Variants in WASHC5 observed in about 807,000 individuals in gnomAD.
The protein encoded by WASHC5 is WASH complex subunit strumpellin.
Under a neutral mutation model 150.4 loss-of-function variants are expected in WASHC5, and 101 were observed. The observed-to-expected ratio is 0.67, with a 90% CI of 0.57 to 0.79. The LOEUF (loss-of-function observed/expected upper bound fraction) is 0.79. Among genes scored for constraint, WASHC5 ranks in the 30% least tolerant of loss-of-function variants. The pLI is 0.00. For synonymous variants in WASHC5, 467 were observed against 491.2 expected, an observed-to-expected ratio of 0.95 and a Z score of 0.65; for missense variants, 1,195 against 1,396.3, an observed-to-expected ratio of 0.86 and a Z score of 2.30.
At chr8:125,038,604 C>G in intron 25 of WASHC5, among the ~76,000 whole-genome samples, 1 of 152,206 alleles carries the variant, frequency 6.6e-6, no homozygotes, top group East Asian at 1.9e-4. Context: ...GCAGCACCTT[C>G]CCCTTTGTCA....
chr8:125,068,638 G>A (rs1021147928), intron 9 of WASHC5, among the ~76,000 whole-genome samples: 4 of 152,118 alleles, frequency 2.6e-5, no homozygotes, highest in African/African-American at 9.7e-5. Flanking sequence ...GGGAATGCCC[G>A]ACACAACAAG....
chr8:125,047,973 G>A (rs528445701), intron 19 of WASHC5, among the ~76,000 whole-genome samples: 18 of 152,288 alleles, frequency 1.2e-4, no homozygotes, highest in Non-Finnish European at 1.8e-4. Context: ...GAGCCTCCAA[G>A]TAGCTGGGAC....
At position 125,061,206 on chromosome 8, in the gene WASHC5, G is replaced by A. The variant is rs759121300; in HGVS notation, c.1409-12C>T. 5.1e-6 allele frequency: 7 copies of A among 1,371,746 alleles called. No individual in the cohort carries two copies. The African/African-American group carries it at 1.0e-4, about 20-fold the overall frequency. The allele number at this position is 1,371,746 out of a possible 1,614,324, so 85.0% of individuals were successfully genotyped here. On this transcript the variant is annotated splice_polypyrimidine_tract_variant and intron_variant, in intron 11 of 28. Transcript: ENST00000318410. ...AGCTTGAAGGTTTTCTAGTAATACAGAAATAAGAAAATACTGAAATCCTCG... is the reference window on the plus strand; with the variant it reads ...AGCTTGAAGGTTTTCTAGTAATACAAAAATAAGAAAATACTGAAATCCTCG...
intron 10 of WASHC5, among the ~76,000 whole-genome samples, chr8:125,065,934 G>A (rs1014253713): frequency 2.0e-5 from 3 of 152,010 alleles, no homozygotes; most frequent in Admixed American, 6.6e-5. Flanking sequence ...TCTTCCTTGC[G>A]GGCATTTTTT....
intron 20 of WASHC5, among the ~76,000 whole-genome samples, chr8:125,045,581 C>G (rs1223847501): frequency 6.6e-6 from 1 of 152,170 alleles, no homozygotes; most frequent in Non-Finnish European, 1.5e-5. Context: ...TCAGCAAGCT[C>G]CACAGATGAC....
chr8:125,059,133 G>A, intron 14 of WASHC5, 89 bp downstream of exon 14: 1 of 958,454 alleles, frequency 1.0e-6, no homozygotes, highest in Non-Finnish European at 1.7e-6. Context: ...TTCCTAAAAG[G>A]ATAAAATCCT....
chr8:125,052,719 G>A lies in WASHC5; in HGVS notation c.2098-2054C>T, dbSNP rs138771610. On this transcript the variant is annotated intron_variant, in intron 17 of 28. Transcript: ENST00000318410. ...TCCAGTACTAAATTCTTTTTGAATC[G>A]CTCTAGACCAATCCACAGTACGAAT... is the stretch of plus-strand genomic sequence containing the variant. Among the ~76,000 whole-genome samples the A allele has an allele frequency of 2.5e-3, 376 of 149,654 alleles. 1 individual carries two copies. The highest frequency in any genetic ancestry group is 8.4e-3 in the African/African-American group (341 of 40,712).
chr8:125,082,369 T>A lies in WASHC5; in HGVS notation c.417+14A>T, dbSNP rs372828781. ...TATTCTTGAATTTCATTTTAAATAA[T>A]CATTATTACTTACTAGAAGTTGTTT... On this transcript the variant is annotated intron_variant, in intron 4 of 28. Coordinates refer to ENST00000318410, the MANE Select transcript of WASHC5 (RefSeq NM_014846.4). 2.2e-6 allele frequency: 3 copies of A among 1,387,236 alleles called. No individual in the cohort carries two copies. The highest frequency in any genetic ancestry group is 3.1e-6 in the Non-Finnish European group (3 of 975,626). 85.9% of individuals were successfully genotyped at this position (1,387,236 alleles called of 1,614,324 possible).
At chr8:125,090,652 A>T (rs922242347) in intron 1 of WASHC5, among the ~76,000 whole-genome samples, 3 of 152,238 alleles carry the variant, frequency 2.0e-5, no homozygotes, top group African/African-American at 7.2e-5. Context: ...AGAATAAGGC[A>T]TGACATCCTT....
chr8:125,074,799 T>C (rs1456463028), intron 8 of WASHC5, among the ~76,000 whole-genome samples, 199 bp downstream of exon 8: 1 of 152,202 alleles, frequency 6.6e-6, no homozygotes, highest in Admixed American at 6.5e-5. Flanking sequence ...GATCCTAATC[T>C]TCAATTTACA....
chr8:125,066,646 TAAAGACC>T (rs1367905891), intron 10 of WASHC5, among the ~76,000 whole-genome samples: 1 of 152,214 alleles, frequency 6.6e-6, no homozygotes, highest in African/African-American at 2.4e-5. Context: ...GCTCTTAGGA[TAAAGACC>T]AAAGTCCTGC....
At chr8:125,026,962 T>G (rs1815394197) in intron 28 of WASHC5, among the ~76,000 whole-genome samples, 2 of 152,210 alleles carry the variant, frequency 1.3e-5, no homozygotes, top group Admixed American at 1.3e-4. Flanking sequence ...AGAACTATTA[T>G]CTCTGTAATA....
chr8:125,087,551 G>A (rs575041741), intron 1 of WASHC5, among the ~76,000 whole-genome samples: 2 of 152,088 alleles, frequency 1.3e-5, no homozygotes, highest in African/African-American at 4.8e-5. Flanking sequence ...CAACAATAGC[G>A]AGACCTTGTC....
chr8:125,089,230 A>T, intron 1 of WASHC5, among the ~76,000 whole-genome samples: 1 of 152,208 alleles, frequency 6.6e-6, no homozygotes, highest in East Asian at 1.9e-4. Context: ...CAAAACAGTC[A>T]CATACTAAAG....
At chr8:125,044,869 T>C (rs545158563) in intron 20 of WASHC5, 171 bp from the exon 21 acceptor site, 1 of 714,138 alleles carries the variant, frequency 1.4e-6, no homozygotes, top group South Asian at 1.5e-5. Flanking sequence ...TGACACCCAA[T>C]GGAACAGGAA....
intron 11 of WASHC5, among the ~76,000 whole-genome samples, chr8:125,062,556 A>G (rs1816627051): frequency 6.6e-6 from 1 of 152,140 alleles, no homozygotes; most frequent in African/African-American, 2.4e-5. Context: ...CAATATGGTG[A>G]CCTGCAAAAC....
In WASHC5 at chr8:125,024,608, G is replaced by A. The variant is rs1815319878; in HGVS notation, c.*9C>T. The A allele has an allele frequency of 3.1e-6, 5 of 1,595,126 alleles. 1 individual carries two copies. The South Asian group carries it at 4.4e-5, about 14-fold the overall frequency. ...GACAATCCTTCCATTGAAGAAGTAG[G>A]AAAAACAGTTACAGCACTGTTCTGA... On this transcript the variant is annotated 3_prime_UTR_variant, in exon 29 of 29. Transcript: ENST00000318410.
chr8:125,057,118 G>A (rs942180991), intron 15 of WASHC5, among the ~76,000 whole-genome samples: 3 of 152,134 alleles, frequency 2.0e-5, no homozygotes, highest in African/African-American at 7.2e-5. Flanking sequence ...GCTAGAATGC[G>A]ACACCAGTAA....
At chr8:125,084,664 C>A (rs184853926) in intron 1 of WASHC5, among the ~76,000 whole-genome samples, 8 of 152,338 alleles carry the variant, frequency 5.3e-5, no homozygotes, top group African/African-American at 1.9e-4. Context: ...ATGGTTAGAT[C>A]ACTTAGCATA....
Sources: allele counts gnomAD v4.1 joint callset (sites outside exome capture counted in the v4.1 genomes callset), GRCh38; gene constraint gnomAD v4.1.1; transcripts MANE v1.5; gene names NCBI Gene and HGNC (gene_info 2026-07-23, HGNC 2026-07-21).